Variants in LRRTM4 observed in about 807,000 individuals in gnomAD.
LRRTM4 encodes the protein leucine-rich repeat transmembrane neuronal protein 4.
Under a neutral mutation model 47.6 loss-of-function variants are expected in LRRTM4, and 25 were observed. That is an observed-to-expected ratio of 0.53 (90% confidence interval 0.38 to 0.73). The LOEUF is 0.73. LRRTM4 is among the 30% of genes least tolerant of loss of function. LRRTM4 has a pLI of 0.00. For synonymous variants in LRRTM4, 311 were observed against 269.5 expected, an observed-to-expected ratio of 1.15 and a Z score of -1.51; for missense variants, 638 against 713.4, an observed-to-expected ratio of 0.89 and a Z score of 1.20.
chr2:76,868,881 T>C (rs1672540812), intron 3 of LRRTM4, among the ~76,000 whole-genome samples: 1 of 152,232 alleles, frequency 6.6e-6, no homozygotes, highest in Middle Eastern at 3.4e-3. Context: ...CAAGTATCTG[T>C]ATTATTATAC....
At chr2:76,971,839 G>C (rs976606118) in intron 3 of LRRTM4, among the ~76,000 whole-genome samples, 1 of 151,484 alleles carries the variant, frequency 6.6e-6, no homozygotes, top group Admixed American at 6.6e-5. Context: ...CAAAATATAC[G>C]GACAAAACAT....
intron 3 of LRRTM4, among the ~76,000 whole-genome samples, chr2:76,984,832 T>C (rs75209899): frequency 0.032 from 4,893 of 152,094 alleles, 188 homozygotes; most frequent in East Asian, 0.14. Flanking sequence ...ATATTGCTGC[T>C]CACACTCAAG....
intron 3 of LRRTM4, among the ~76,000 whole-genome samples, chr2:77,332,411 C>T (rs555291793): frequency 6.6e-6 from 1 of 152,194 alleles, no homozygotes; most frequent in Non-Finnish European, 1.5e-5. Flanking sequence ...AATAACCTTC[C>T]TCTATAATTA....
At chr2:77,350,320 A>AAG (rs1355728887) in intron 3 of LRRTM4, among the ~76,000 whole-genome samples, 12 of 130,330 alleles carry the variant, frequency 9.2e-5, no homozygotes, top group African/African-American at 3.4e-4. Context: ...GCGACAGAGC[A>AAG]AGACTCCGTC....
At chr2:76,766,516 T>A (rs1673462427) in intron 3 of LRRTM4, among the ~76,000 whole-genome samples, 1 of 152,228 alleles carries the variant, frequency 6.6e-6, no homozygotes, top group Non-Finnish European at 1.5e-5. Context: ...TTCTTTTAAC[T>A]GCCCTTCTCT....
intron 3 of LRRTM4, among the ~76,000 whole-genome samples, chr2:77,353,261 CAAATA>C (rs1225891847): frequency 2.6e-5 from 4 of 152,010 alleles, no homozygotes; most frequent in Admixed American, 2.0e-4. Context: ...TTGATTTGCA[CAAATA>C]AAATAAAATT....
intron 3 of LRRTM4, among the ~76,000 whole-genome samples, chr2:77,472,842 A>G (rs533851405): frequency 1.4e-3 from 132 of 97,400 alleles, no homozygotes; most frequent in African/African-American, 3.9e-3. Context: ...TGGCTGGTGA[A>G]TGAAATAAAG....
chr2:77,167,878 C>A (rs1393107349), intron 3 of LRRTM4, among the ~76,000 whole-genome samples: 1 of 151,940 alleles, frequency 6.6e-6, no homozygotes, highest in African/African-American at 2.4e-5. Context: ...TGCACCAGAC[C>A]AACATAGCAC....
intron 3 of LRRTM4, among the ~76,000 whole-genome samples, chr2:76,764,609 C>A (rs749235710): frequency 6.6e-6 from 1 of 151,752 alleles, no homozygotes; most frequent in Non-Finnish European, 1.5e-5. Flanking sequence ...CCAGCCTGGG[C>A]GACAGAGCTA....
Position 77,521,747 on chromosome 2 carries a change from A to T in LRRTM4, c.-76T>A. On this transcript the variant is annotated 5_prime_UTR_variant, in exon 2 of 4. Transcript: ENST00000409884. ...GGTCTCTTGTGCGGAAACCACCACCACCTTCATGACACAGTGCGGCTGTCA... is the reference window on the plus strand; with the variant it reads ...GGTCTCTTGTGCGGAAACCACCACCTCCTTCATGACACAGTGCGGCTGTCA... The T allele has an allele frequency of 3.3e-6, 5 of 1,517,264 alleles. No homozygotes were observed. Among genetic ancestry groups the T allele is most frequent in the Middle Eastern group, 1.7e-4 (1 of 5,806 alleles). 94.0% of individuals were successfully genotyped at this position (1,517,264 alleles called of 1,614,324 possible).
At chr2:77,025,782 C>T (rs996664185) in intron 3 of LRRTM4, among the ~76,000 whole-genome samples, 4 of 152,124 alleles carry the variant, frequency 2.6e-5, no homozygotes, top group Non-Finnish European at 5.9e-5. Context: ...CTACTGACTA[C>T]ACAAGTTGTA....
rs565291213 is a variant in LRRTM4 at position 77,416,709 on chromosome 2, T to TA, written c.1551+101608dup. On this transcript the variant is annotated intron_variant, in intron 3 of 3. Coordinates refer to ENST00000409884, the MANE Select transcript of LRRTM4 (RefSeq NM_001134745.3). ...CCAGAAATAGGCATCCCATGTTTAA[T>TA]AAAAAAAGGCTTCTTTCTTACAGAA... 1.1e-4 allele frequency among the ~76,000 whole-genome samples: 16 copies of TA among 151,186 alleles called. No homozygotes were observed. In the South Asian group the frequency reaches 2.5e-3, roughly 24 times the overall value.
intron 3 of LRRTM4, among the ~76,000 whole-genome samples, chr2:76,956,306 T>A (rs1282843089): frequency 2.7e-5 from 4 of 150,424 alleles, no homozygotes; most frequent in Non-Finnish European, 5.9e-5. Flanking sequence ...ACTGAAAAAA[T>A]AAAAAATAAA....
intron 3 of LRRTM4, among the ~76,000 whole-genome samples, chr2:77,161,279 C>T (rs1023415050): frequency 2.0e-5 from 3 of 152,150 alleles, no homozygotes; most frequent in African/African-American, 7.2e-5. Flanking sequence ...ACCAGTGATC[C>T]AACGGAACTG....
intron 3 of LRRTM4, among the ~76,000 whole-genome samples, chr2:77,060,372 A>G (rs1679746793): frequency 6.6e-6 from 1 of 152,168 alleles, no homozygotes; most frequent in East Asian, 1.9e-4. Context: ...TGAATAGTAA[A>G]TGAAAAGAAT....
chr2:77,123,830 C>G (rs1671583516), intron 3 of LRRTM4, among the ~76,000 whole-genome samples: 1 of 152,044 alleles, frequency 6.6e-6, no homozygotes, highest in Non-Finnish European at 1.5e-5. Flanking sequence ...AAGGCTTCTC[C>G]CATTATCCTT....
intron 3 of LRRTM4, among the ~76,000 whole-genome samples, chr2:77,503,645 G>C (rs1678657111): frequency 6.6e-6 from 1 of 151,434 alleles, no homozygotes. Context: ...GAGAGACAGA[G>C]AGAGAATATG....
At chr2:76,985,885 C>G (rs1454557335) in intron 3 of LRRTM4, 3 of 151,898 alleles carry the variant, frequency 2.0e-5, no homozygotes, top group Admixed American at 1.3e-4. Flanking sequence ...ATTTGCCCCA[C>G]TCTACTCCAC....
At chr2:76,761,869 C>A (rs1673266185) in intron 3 of LRRTM4, among the ~76,000 whole-genome samples, 1 of 152,154 alleles carries the variant, frequency 6.6e-6, no homozygotes, top group African/African-American at 2.4e-5. Flanking sequence ...TTAAAGCAAC[C>A]TGATGCTCAA....
Sources: allele counts gnomAD v4.1 joint callset (sites outside exome capture counted in the v4.1 genomes callset), GRCh38; gene constraint gnomAD v4.1.1; transcripts MANE v1.5; gene names NCBI Gene and HGNC (gene_info 2026-07-23, HGNC 2026-07-21).